IL1RAPL2: variants seen among roughly 807,000 people sequenced by gnomAD.
The protein encoded by IL1RAPL2 is X-linked interleukin-1 receptor accessory protein-like 2.
Under a neutral mutation model 44.1 loss-of-function variants are expected in IL1RAPL2, and 3 were observed. The ratio of observed to expected loss-of-function variants is 0.07; its 90% CI spans 0.03 to 0.18. IL1RAPL2 has a LOEUF of 0.18. Ranked by LOEUF, IL1RAPL2 falls within the 10% of genes least tolerant of loss-of-function variation. The pLI is 1.00. For missense variants in IL1RAPL2, 391 were observed against 496.4 expected (o/e 0.79, Z 2.02); for synonymous variants, 181 against 178.8 (o/e 1.01, Z -0.10).
At chrX:104,728,567 CT>C (rs911214092) in intron 2 of IL1RAPL2, among the ~76,000 whole-genome samples, 144 of 111,039 alleles carry the variant, frequency 1.3e-3, no homozygotes, top group South Asian at 6.5e-3. Context: ...GTAATCTCAT[CT>C]TGGATAGGGT....
intron 5 of IL1RAPL2, among the ~76,000 whole-genome samples, chrX:105,302,408 T>C (rs2034703685): frequency 8.9e-6 from 1 of 111,863 alleles, no homozygotes; most frequent in African/African-American, 3.3e-5. Flanking sequence ...GAGTCTTGCC[T>C]GGCTAACACT....
At chrX:105,533,240 A>G (rs2036652259) in intron 6 of IL1RAPL2, among the ~76,000 whole-genome samples, 1 of 112,282 alleles carries the variant, frequency 8.9e-6, no homozygotes, top group Admixed American at 9.4e-5. Flanking sequence ...TTTCTGGGAA[A>G]TCACCACAGA....
At chrX:105,645,239 G>A (rs1024052057) in intron 6 of IL1RAPL2, among the ~76,000 whole-genome samples, 2 of 111,220 alleles carry the variant, frequency 1.8e-5, no homozygotes, top group Non-Finnish European at 3.8e-5. Flanking sequence ...CTCTTTGATT[G>A]TGTAGTTCAA....
chrX:104,730,782 C>T (rs1415070360), intron 2 of IL1RAPL2, among the ~76,000 whole-genome samples: 102 of 109,758 alleles, frequency 9.3e-4, no homozygotes, highest in African/African-American at 3.3e-3. Flanking sequence ...GTTCTAGATC[C>T]CTGAGGAATC....
At chrX:105,590,488 A>G (rs1186461899) in intron 6 of IL1RAPL2, among the ~76,000 whole-genome samples, 1 of 111,432 alleles carries the variant, frequency 9.0e-6, no homozygotes, top group Non-Finnish European at 1.9e-5. Context: ...CCCATTCAAT[A>G]TGATGTTGGC....
Position 104,612,852 on chromosome X carries a change from A to G in IL1RAPL2, c.-20+45801A>G, listed in dbSNP as rs964129953. The stretch of plus-strand genomic sequence containing the variant: ...TTTGTTTGTATCTATAATTTATTTC[A>G]TCGGTGTTTTATAGCTGTCCTAGAG... On this transcript the variant is annotated intron_variant, in intron 1 of 10. Transcript: ENST00000372582. Among the ~76,000 whole-genome samples the G allele has an allele frequency of 4.5e-5, 5 of 110,957 alleles. No homozygotes were observed. The East Asian group carries it at 1.4e-3, about 31-fold the overall frequency.
intron 4 of IL1RAPL2, among the ~76,000 whole-genome samples, chrX:105,241,706 T>C (rs73517442): frequency 0.079 from 8,773 of 111,748 alleles, 894 homozygotes; most frequent in African/African-American, 0.27. Flanking sequence ...ACAAAAAAAC[T>C]GAACAATACC....
At chrX:105,628,763 C>T (rs1394692001) in intron 6 of IL1RAPL2, among the ~76,000 whole-genome samples, 1 of 111,170 alleles carries the variant, frequency 9.0e-6, no homozygotes, top group African/African-American at 3.3e-5. Flanking sequence ...GCCAACATGG[C>T]AAATCCCCAT....
chrX:104,661,796 CATGG>C, intron 2 of IL1RAPL2, among the ~76,000 whole-genome samples: 1 of 111,819 alleles, frequency 8.9e-6, no homozygotes, highest in East Asian at 2.8e-4. Context: ...TTTAAGCTCG[CATGG>C]ATGTTCATCA....
At chrX:105,059,532 T>C (rs993812921) in intron 2 of IL1RAPL2, among the ~76,000 whole-genome samples, 3 of 112,048 alleles carry the variant, frequency 2.7e-5, no homozygotes, top group Non-Finnish European at 5.6e-5. Context: ...TTCTTTCTTT[T>C]TTTTCTTTCT....
intron 5 of IL1RAPL2, among the ~76,000 whole-genome samples, chrX:105,320,761 T>C (rs1644261594): frequency 9.0e-6 from 1 of 111,417 alleles, no homozygotes; most frequent in African/African-American, 3.3e-5. Context: ...TGTAGATGTA[T>C]GAGTGTATAA....
chrX:105,035,370 C>T (rs747905201), intron 2 of IL1RAPL2, among the ~76,000 whole-genome samples: 30 of 111,939 alleles, frequency 2.7e-4, no homozygotes, highest in South Asian at 7.4e-4. Flanking sequence ...TGTTCCTATT[C>T]GGCCATCTTG....
intron 2 of IL1RAPL2, among the ~76,000 whole-genome samples, chrX:104,968,586 C>T (rs1365129142): frequency 9.0e-6 from 1 of 111,193 alleles, no homozygotes; most frequent in East Asian, 2.8e-4. Flanking sequence ...GTTAAAAATG[C>T]AATGTTGTCA....
chrX:104,710,597 G>T (rs1433850954), intron 2 of IL1RAPL2, among the ~76,000 whole-genome samples: 1 of 111,252 alleles, frequency 9.0e-6, no homozygotes, highest in Non-Finnish European at 1.9e-5. Context: ...CCACTGAATT[G>T]TTCACTTTAA....
chrX:104,886,508 C>A (rs749177235), intron 2 of IL1RAPL2, among the ~76,000 whole-genome samples: 1 of 112,401 alleles, frequency 8.9e-6, no homozygotes, highest in African/African-American at 3.2e-5. Context: ...GGAAATGCAG[C>A]AGTCCCTGCA....
At chrX:104,741,597 A>G (rs1172682564) in intron 2 of IL1RAPL2, among the ~76,000 whole-genome samples, 2 of 111,105 alleles carry the variant, frequency 1.8e-5, no homozygotes, top group Non-Finnish European at 3.8e-5. Flanking sequence ...TAACATCTAT[A>G]AATTTTTGTT....
chrX:105,074,454 T>C (rs923960739), intron 2 of IL1RAPL2, among the ~76,000 whole-genome samples: 2 of 111,723 alleles, frequency 1.8e-5, no homozygotes, highest in African/African-American at 6.5e-5. Flanking sequence ...GCTTGCAGTA[T>C]AGTTTGAAGT....
intron 2 of IL1RAPL2, among the ~76,000 whole-genome samples, chrX:104,930,934 A>G (rs898440050): frequency 4.7e-4 from 52 of 111,099 alleles, no homozygotes; most frequent in African/African-American, 1.6e-3. Context: ...CAGGATTTTA[A>G]CTCCTATCCT....
At chrX:105,318,177 G>A (rs893837776) in intron 5 of IL1RAPL2, among the ~76,000 whole-genome samples, 3 of 110,540 alleles carry the variant, frequency 2.7e-5, no homozygotes, top group Non-Finnish European at 5.7e-5. Context: ...GTTTCACCAC[G>A]TTAGCCAGGA....
Sources: gnomAD v4.1 joint callset for allele counts (sites outside exome capture counted in the v4.1 genomes callset) on GRCh38, gnomAD v4.1.1 for gene constraint, MANE v1.5 for transcripts, NCBI Gene and HGNC (gene_info 2026-07-23, HGNC 2026-07-21) for gene names.